The following MARCHF1 variants were observed in gnomAD, a reference collection of about 807,000 sequenced individuals.
MARCHF1 encodes the protein E3 ubiquitin-protein ligase MARCHF1.
MARCHF1 carries 40 observed loss-of-function variants against 54.2 expected under a neutral mutation model. The observed-to-expected ratio is 0.74, with a 90% CI of 0.57 to 0.96. The LOEUF (loss-of-function observed/expected upper bound fraction) is 0.96, where lower values mean the gene tolerates loss of function less well. MARCHF1 is among the 40% of genes least tolerant of loss of function. The pLI is 0.00. For missense variants in MARCHF1, 586 were observed against 656.5 expected (o/e 0.89, Z 1.17); for synonymous variants, 236 against 236.3 (o/e 1.00, Z 0.01).
At chr4:163,853,918 T>A (rs1749701963) in intron 4 of MARCHF1, 103 bp downstream of exon 4, 3 of 1,009,748 alleles carry the variant, frequency 3.0e-6, no homozygotes, top group Non-Finnish European at 4.2e-6. Flanking sequence ...CAAATACTGT[T>A]GTAAACAACG....
intron 1 of MARCHF1, among the ~76,000 whole-genome samples, chr4:164,122,039 A>G (rs749499567): frequency 3.3e-5 from 5 of 152,166 alleles, no homozygotes; most frequent in Non-Finnish European, 7.4e-5. Context: ...ATGGTTCAAC[A>G]TACACAAATC....
chr4:164,201,196 C>T (rs1731441887), intron 1 of MARCHF1, among the ~76,000 whole-genome samples: 2 of 134,454 alleles, frequency 1.5e-5, no homozygotes, highest in Admixed American at 7.8e-5. Flanking sequence ...GTTTTACAGA[C>T]ATGTTTTACA....
chr4:164,379,979 A>G (rs780091936), intron 1 of MARCHF1, among the ~76,000 whole-genome samples: 15 of 118,764 alleles, frequency 1.3e-4, no homozygotes, highest in Admixed American at 7.1e-4. Flanking sequence ...CAACATGTTG[A>G]AAAAAAAAAA....
intron 2 of MARCHF1, among the ~76,000 whole-genome samples, chr4:164,083,265 A>T (rs562351470): frequency 2.0e-4 from 30 of 151,992 alleles, no homozygotes; most frequent in Admixed American, 8.5e-4. Flanking sequence ...GTGGATATAG[A>T]CAACATTTAA....
At chr4:163,700,524 AGAAAGAAGGAAG>A (rs1425782874) in intron 5 of MARCHF1, among the ~76,000 whole-genome samples, 22 of 125,002 alleles carry the variant, frequency 1.8e-4, no homozygotes, top group African/African-American at 5.5e-4. Flanking sequence ...ATAGAAAGAA[AGAAAGAAGGAAG>A]GAAGGAAGGA....
chr4:163,585,955 T>G, intron 7 of MARCHF1, 26 bp from the exon 8 acceptor site: 1 of 1,574,980 alleles, frequency 6.3e-7, no homozygotes, highest in Non-Finnish European at 8.6e-7. Flanking sequence ...GCAGCCAGTA[T>G]GAGATCTCCC....
chr4:163,936,973 G>A (rs1751810458), intron 3 of MARCHF1, among the ~76,000 whole-genome samples: 1 of 152,112 alleles, frequency 6.6e-6, no homozygotes, highest in Non-Finnish European at 1.5e-5. Flanking sequence ...GTTTTATGCT[G>A]CCATATAACA....
At chr4:163,746,240 G>C (rs1207880262) in intron 4 of MARCHF1, among the ~76,000 whole-genome samples, 5 of 152,006 alleles carry the variant, frequency 3.3e-5, no homozygotes, top group African/African-American at 9.7e-5. Flanking sequence ...TTCTAGAATA[G>C]GTGTAGTTGA....
At chr4:164,238,117 T>C (rs138849235) in intron 1 of MARCHF1, among the ~76,000 whole-genome samples, 79 of 152,178 alleles carry the variant, frequency 5.2e-4, no homozygotes, top group African/African-American at 1.8e-3. Flanking sequence ...ATAGATTTAT[T>C]TTAAATTATG....
At chr4:164,059,993 C>T (rs1249588495) in intron 2 of MARCHF1, among the ~76,000 whole-genome samples, 2 of 152,022 alleles carry the variant, frequency 1.3e-5, no homozygotes, top group East Asian at 3.9e-4. Flanking sequence ...TGTTTTTACT[C>T]TTTGTGTCTC....
intron 4 of MARCHF1, among the ~76,000 whole-genome samples, chr4:163,803,207 CTT>C (rs1355282855): frequency 6.6e-6 from 1 of 152,084 alleles, no homozygotes; most frequent in African/African-American, 2.4e-5. Flanking sequence ...GAGTTTCACT[CTT>C]TTTGTCCAGT....
chr4:163,838,285 C>A (rs1469717081), intron 4 of MARCHF1, among the ~76,000 whole-genome samples: 2 of 152,058 alleles, frequency 1.3e-5, no homozygotes, highest in Non-Finnish European at 2.9e-5. Flanking sequence ...CACTTTAAAT[C>A]ATCTCTAGAT....
At chr4:164,030,204 AAAC>A (rs1753849288) in intron 2 of MARCHF1, among the ~76,000 whole-genome samples, 1 of 151,988 alleles carries the variant, frequency 6.6e-6, no homozygotes, top group South Asian at 2.1e-4. Flanking sequence ...AAATCAAAAT[AAAC>A]AAAAATATTT....
At chr4:163,904,827 G>A (rs1751029262) in intron 3 of MARCHF1, among the ~76,000 whole-genome samples, 1 of 151,848 alleles carries the variant, frequency 6.6e-6, no homozygotes, top group African/African-American at 2.4e-5. Context: ...GAATGAATGT[G>A]TTTGCATGCA....
chr4:163,590,882 T>C (rs1014216848), intron 7 of MARCHF1, among the ~76,000 whole-genome samples: 2 of 151,956 alleles, frequency 1.3e-5, no homozygotes, highest in Non-Finnish European at 2.9e-5. Flanking sequence ...CTGGTGTGGC[T>C]ATTGAAAATA....
rs150217649 is a variant in MARCHF1, at chr4:163,776,518, G to A, written c.112-75655C>T. Among the ~76,000 whole-genome samples, 391 of 152,086 alleles carry A rather than the reference G, an allele frequency of 2.6e-3. 1 individual carries two copies. Among genetic ancestry groups the A allele is most frequent in the African/African-American group, 8.9e-3 (368 of 41,520 alleles). ...AAGCACAATTTTCCAATAGTGTTTAGCTTTTACTTTCATTCAAATATGTAG... is the reference window on the plus strand; with the variant it reads ...AAGCACAATTTTCCAATAGTGTTTAACTTTTACTTTCATTCAAATATGTAG... On this transcript the variant is annotated intron_variant, in intron 4 of 9. Coordinates refer to ENST00000514618, the MANE Select transcript of MARCHF1 (RefSeq NM_001394959.1).
chr4:164,207,323 TC>T (rs1337431807), intron 1 of MARCHF1, among the ~76,000 whole-genome samples: 6 of 152,236 alleles, frequency 3.9e-5, no homozygotes, highest in African/African-American at 1.2e-4. Flanking sequence ...TTTCAATTTT[TC>T]ATTTTAAGTT....
chr4:164,179,511 G>T (rs1409334077), intron 1 of MARCHF1, among the ~76,000 whole-genome samples: 1 of 152,040 alleles, frequency 6.6e-6, no homozygotes. Context: ...TCCTAAAGCG[G>T]TACAGAAACC....
rs190669184 is a variant in MARCHF1, at chr4:164,269,347, C to G, written c.-323+114523G>C. On this transcript the variant is annotated intron_variant, in intron 1 of 9. Coordinates refer to ENST00000514618, the MANE Select transcript of MARCHF1 (RefSeq NM_001394959.1). ...ACTGCAGCATTTCAGATAAGCCACC[C>G]TCACAAGAACACTTGCCTAGCAATG... 2.2e-3 allele frequency among the ~76,000 whole-genome samples: 330 copies of G among 152,180 alleles called. 1 individual carries two copies. The highest frequency in any genetic ancestry group is 7.5e-3 in the African/African-American group (310 of 41,542).
Sources: allele counts gnomAD v4.1 joint callset (sites outside exome capture counted in the v4.1 genomes callset), GRCh38; gene constraint gnomAD v4.1.1; transcripts MANE v1.5; gene names NCBI Gene and HGNC (gene_info 2026-07-23, HGNC 2026-07-21).